Variants in CSMD1 observed in about 807,000 individuals in gnomAD.
The protein encoded by CSMD1 is CUB and Sushi multiple domains 1, also known as CUB and sushi domain-containing protein 1.
In CSMD1, 213 loss-of-function variants were observed where a neutral mutation model predicts 417.5. That is an observed-to-expected ratio of 0.51 (90% CI 0.46 to 0.57). The LOEUF (loss-of-function observed/expected upper bound fraction) is 0.57. Ranked by LOEUF, CSMD1 falls within the 20% of genes least tolerant of loss-of-function variation. The pLI is 0.00. For synonymous variants in CSMD1, 2,862 were observed against 1,736.8 expected (o/e 1.65, Z -16.11); for missense variants, 6,923 against 4,529.7 (o/e 1.53, Z -15.17).
intron 5 of CSMD1, among the ~76,000 whole-genome samples, chr8:3,934,118 T>G (rs1209927773): frequency 6.6e-6 from 1 of 152,152 alleles, no homozygotes; most frequent in East Asian, 1.9e-4. Context: ...TAAAATTAAA[T>G]GATTACCCAC....
At chr8:4,082,811 G>T (rs1389540097) in intron 3 of CSMD1, among the ~76,000 whole-genome samples, 1 of 128,448 alleles carries the variant, frequency 7.8e-6, no homozygotes, top group Non-Finnish European at 1.5e-5. Context: ...TCCCTTTCCT[G>T]TGTCCATGCA....
At position 4,169,103 on chromosome 8, in the gene CSMD1, C is replaced by A. The variant is rs571785503; in HGVS notation, c.416-137004G>T. Among the ~76,000 whole-genome samples, 15 of 152,304 alleles carry A rather than the reference C, an allele frequency of 9.8e-5. No individual in the cohort carries two copies. In the East Asian group the frequency reaches 2.9e-3, roughly 29 times the overall value. On this transcript the variant is annotated intron_variant, in intron 3 of 69. Coordinates refer to ENST00000635120, the MANE Select transcript of CSMD1 (RefSeq NM_033225.6). Reference sequence around the variant, plus strand: ...TAAGCCTGCTGGCTTAGTCCTTGAACCTCTTTTCTCATCCCTGTAAGCTCA... The same window carrying A: ...TAAGCCTGCTGGCTTAGTCCTTGAAACTCTTTTCTCATCCCTGTAAGCTCA...
chr8:3,658,535 C>T (rs1226049940), intron 7 of CSMD1, among the ~76,000 whole-genome samples: 1 of 150,916 alleles, frequency 6.6e-6, no homozygotes, highest in African/African-American at 2.4e-5. Flanking sequence ...GTAATCCCAG[C>T]ACTTTGGGAG....
chr8:3,805,351 C>G (rs980508205), intron 5 of CSMD1, among the ~76,000 whole-genome samples: 1 of 152,056 alleles, frequency 6.6e-6, no homozygotes, highest in Admixed American at 6.6e-5. Context: ...TCCAGGATAC[C>G]AGAATTACAA....
chr8:4,119,044 G>C (rs961025350), intron 3 of CSMD1, among the ~76,000 whole-genome samples: 3 of 152,078 alleles, frequency 2.0e-5, no homozygotes, highest in Non-Finnish European at 2.9e-5. Flanking sequence ...TGAATAATGA[G>C]AACACACGGA....
At chr8:3,763,111 G>A (rs1273516729) in intron 5 of CSMD1, among the ~76,000 whole-genome samples, 1 of 152,184 alleles carries the variant, frequency 6.6e-6, no homozygotes, top group Non-Finnish European at 1.5e-5. Flanking sequence ...TGCTGGGCAT[G>A]TGGTAGGCAC....
chr8:3,271,174 C>T (rs181026593), intron 26 of CSMD1, among the ~76,000 whole-genome samples: 6,705 of 148,050 alleles, frequency 0.045, 490 homozygotes, highest in African/African-American at 0.16. Context: ...TGAGAATATG[C>T]GGTGTTTGGT....
At chr8:3,338,629 C>T (rs1807429707) in intron 23 of CSMD1, among the ~76,000 whole-genome samples, 1 of 152,124 alleles carries the variant, frequency 6.6e-6, no homozygotes, top group African/African-American at 2.4e-5. Context: ...CCCGTGATAC[C>T]AGCTATGCAG....
intron 46 of CSMD1, among the ~76,000 whole-genome samples, chr8:3,097,820 G>A (rs767930601): frequency 4.6e-5 from 7 of 152,276 alleles, no homozygotes; most frequent in Non-Finnish European, 7.3e-5. Flanking sequence ...GTGATTGCTC[G>A]GGACCCTGGG....
chr8:4,640,775 A>G (rs1016442351), intron 1 of CSMD1, among the ~76,000 whole-genome samples: 15 of 151,932 alleles, frequency 9.9e-5, no homozygotes, highest in African/African-American at 2.9e-4. Context: ...TCAGGGCAAT[A>G]AAATAATCGG....
At chr8:3,427,181 G>T (rs1180948666) in intron 12 of CSMD1, among the ~76,000 whole-genome samples, 2 of 152,178 alleles carry the variant, frequency 1.3e-5, no homozygotes, top group African/African-American at 2.4e-5. Flanking sequence ...GATTTTGGGT[G>T]CAGACTCAGC....
In CSMD1 at chr8:3,287,954, C is replaced by G. The variant is rs932572859; in HGVS notation, c.3951-3608G>C. On this transcript the variant is annotated intron_variant, in intron 25 of 69. Transcript: ENST00000635120. ...GGCTGTGGGTTTGTCATAGATAGCTCTTATTATTTTGAGATACGTCCCATC... is the reference window on the plus strand; with the variant it reads ...GGCTGTGGGTTTGTCATAGATAGCTGTTATTATTTTGAGATACGTCCCATC... 2.0e-4 allele frequency among the ~76,000 whole-genome samples: 29 copies of G among 146,272 alleles called. 4 individuals are homozygous for G. Among genetic ancestry groups the G allele is most frequent in the African/African-American group, 7.4e-4 (27 of 36,432 alleles).
intron 10 of CSMD1, among the ~76,000 whole-genome samples, chr8:3,535,375 T>C (rs971672714): frequency 6.6e-6 from 1 of 152,008 alleles, no homozygotes; most frequent in South Asian, 2.1e-4. Context: ...AGGACAGAAA[T>C]GGAAATAAAA....
At chr8:3,417,578 T>C (rs1210778456) in intron 12 of CSMD1, among the ~76,000 whole-genome samples, 6 of 152,326 alleles carry the variant, frequency 3.9e-5, no homozygotes, top group South Asian at 2.1e-4. Flanking sequence ...AGGGCTGCCA[T>C]AGCTACTACA....
At chr8:3,772,222 T>TAC in intron 5 of CSMD1, among the ~76,000 whole-genome samples, 1 of 136,834 alleles carries the variant, frequency 7.3e-6, no homozygotes, top group Admixed American at 7.4e-5. Context: ...ACACATATAA[T>TAC]ACACACACAT....
chr8:3,783,618 G>A (rs954589520), intron 5 of CSMD1, among the ~76,000 whole-genome samples: 1 of 152,196 alleles, frequency 6.6e-6, no homozygotes, highest in Non-Finnish European at 1.5e-5. Context: ...AGGAAGCCCT[G>A]GATGCAGCTG....
At chr8:3,756,043 C>A (rs1037504102) in intron 5 of CSMD1, among the ~76,000 whole-genome samples, 3 of 152,024 alleles carry the variant, frequency 2.0e-5, no homozygotes, top group Non-Finnish European at 4.4e-5. Flanking sequence ...CCTGTACTTA[C>A]TGAACTTACA....
chr8:4,604,943 A>G (rs1195390783), intron 2 of CSMD1, among the ~76,000 whole-genome samples: 3 of 152,122 alleles, frequency 2.0e-5, no homozygotes, highest in Non-Finnish European at 4.4e-5. Context: ...TTTGCCAGAG[A>G]TGTAATTTGT....
intron 4 of CSMD1, among the ~76,000 whole-genome samples, chr8:4,003,762 G>T (rs17063183): frequency 6.6e-6 from 1 of 151,936 alleles, no homozygotes; most frequent in South Asian, 2.1e-4. Flanking sequence ...GCTCATATAC[G>T]CCGGCAAATT....
Sources: allele counts gnomAD v4.1 joint callset (sites outside exome capture counted in the v4.1 genomes callset), GRCh38; gene constraint gnomAD v4.1.1; transcripts MANE v1.5; gene names NCBI Gene and HGNC (gene_info 2026-07-23, HGNC 2026-07-21).